The following KAZN variants were observed in gnomAD, a reference collection of about 807,000 sequenced individuals.
KAZN encodes the protein kazrin.
Under a neutral mutation model 87.4 loss-of-function variants are expected in KAZN, and 40 were observed. The ratio of observed to expected loss-of-function variants is 0.46; its 90% CI spans 0.36 to 0.60. KAZN has a LOEUF of 0.60. Ranked by LOEUF, KAZN falls within the 20% of genes least tolerant of loss-of-function variation. The pLI is 0.00. For missense variants in KAZN, 898 were observed against 1,073.9 expected, an observed-to-expected ratio of 0.84 and a Z score of 2.29; for synonymous variants, 466 against 458.3, an observed-to-expected ratio of 1.02 and a Z score of -0.22.
At chr1:14,661,668 G>C (rs535644763) in intron 1 of KAZN, among the ~76,000 whole-genome samples, 4 of 137,594 alleles carry the variant, frequency 2.9e-5, no homozygotes, top group African/African-American at 5.3e-5. Context: ...GGGACGGGGG[G>C]GCGGGAGGGA....
At chr1:14,770,677 C>T (rs1386815833) in intron 1 of KAZN, among the ~76,000 whole-genome samples, 1 of 152,024 alleles carries the variant, frequency 6.6e-6, no homozygotes, top group Non-Finnish European at 1.5e-5. Context: ...AAGAAACTAG[C>T]AAAATATCTC....
intron 1 of KAZN, among the ~76,000 whole-genome samples, chr1:14,055,898 T>C (rs1384015694): frequency 6.6e-6 from 1 of 152,216 alleles, no homozygotes; most frequent in Admixed American, 6.5e-5. Flanking sequence ...GGAAAAATGC[T>C]ACCGAGCCTT....
chr1:14,856,819 C>T lies in KAZN; in HGVS notation c.227-103865C>T, dbSNP rs1437812455. Among the ~76,000 whole-genome samples, 1 of 152,144 alleles carries T rather than the reference C, an allele frequency of 6.6e-6. No individual in the cohort carries two copies. Among genetic ancestry groups the T allele is most frequent in the Admixed American group, 6.6e-5 (1 of 15,262 alleles). On this transcript the variant is annotated intron_variant, in intron 1 of 14. Coordinates refer to ENST00000376030, the MANE Select transcript of KAZN (RefSeq NM_201628.3). This position sits in a 1 kb window ranked among gnomAD's most constrained non-coding sequence, Gnocchi z 5.2. ...TGTTGCAGAGAGTTTGCAATTCAAT[C>T]GGAACTCAGACTTTTTTCCTCTGTT...
At chr1:14,499,710 T>C (rs995548563) in intron 2 of KAZN, among the ~76,000 whole-genome samples, 1 of 152,222 alleles carries the variant, frequency 6.6e-6, no homozygotes, top group Non-Finnish European at 1.5e-5. Flanking sequence ...CATTTTTATT[T>C]CTTTTTGAAT....
chr1:14,418,962 T>G (rs1470717455), intron 2 of KAZN, among the ~76,000 whole-genome samples: 1 of 152,240 alleles, frequency 6.6e-6, no homozygotes, highest in Non-Finnish European at 1.5e-5. Context: ...TGTCCCCCTG[T>G]GAACTCTTGT....
At chr1:14,293,843 G>A (rs1653909143) in intron 2 of KAZN, among the ~76,000 whole-genome samples, 1 of 152,092 alleles carries the variant, frequency 6.6e-6, no homozygotes, top group Non-Finnish European at 1.5e-5. Context: ...GTTTCCCCAA[G>A]GTGGTTAGCC....
chr1:13,982,290 G>A (rs1409463746), intron 1 of KAZN, among the ~76,000 whole-genome samples: 2 of 152,196 alleles, frequency 1.3e-5, no homozygotes, highest in African/African-American at 4.8e-5. Flanking sequence ...CAAGAATGAA[G>A]CCGTGAACCC....
chr1:14,073,993 G>T (rs115729306), intron 1 of KAZN, among the ~76,000 whole-genome samples: 1 of 152,104 alleles, frequency 6.6e-6, no homozygotes, highest in Non-Finnish European at 1.5e-5. Context: ...TCTGGAAATA[G>T]AACAAAATAT....
chr1:14,861,065 T>C (rs1650787735), intron 1 of KAZN, among the ~76,000 whole-genome samples: 1 of 152,200 alleles, frequency 6.6e-6, no homozygotes, highest in Admixed American at 6.5e-5. Flanking sequence ...TGCCAAGTAA[T>C]TGCAGTTTTT....
At chr1:14,933,856 T>A (rs1298871306) in intron 1 of KAZN, among the ~76,000 whole-genome samples, 1 of 151,370 alleles carries the variant, frequency 6.6e-6, no homozygotes, top group Non-Finnish European at 1.5e-5. Flanking sequence ...TTTCTTTTTT[T>A]TTTTTTTATG....
intron 1 of KAZN, among the ~76,000 whole-genome samples, chr1:13,927,926 A>C (rs963401234): frequency 2.4e-4 from 36 of 152,316 alleles, no homozygotes; most frequent in African/African-American, 8.7e-4. Flanking sequence ...AGGCAGGGGC[A>C]GGGCCCCTGC....
chr1:14,502,464 T>C (rs1670310099), intron 2 of KAZN, among the ~76,000 whole-genome samples: 1 of 152,164 alleles, frequency 6.6e-6, no homozygotes, highest in African/African-American at 2.4e-5. Flanking sequence ...TCTGGGTTTT[T>C]TTAGGTCATC....
chr1:14,357,018 G>T (rs1368023444), intron 2 of KAZN, among the ~76,000 whole-genome samples: 1 of 152,154 alleles, frequency 6.6e-6, no homozygotes, highest in African/African-American at 2.4e-5. Context: ...ACTTTGGGCA[G>T]TATGGCCATT....
intron 1 of KAZN, among the ~76,000 whole-genome samples, chr1:14,047,726 G>A (rs562226641): frequency 3.6e-4 from 55 of 152,132 alleles, no homozygotes; most frequent in African/African-American, 1.2e-3. Flanking sequence ...AAATTAGCTG[G>A]GTGTGGTGGC....
chr1:14,968,381 G>A (rs894087768), intron 2 of KAZN, among the ~76,000 whole-genome samples: 3 of 152,278 alleles, frequency 2.0e-5, no homozygotes, highest in South Asian at 2.1e-4. Flanking sequence ...TCGCTCGCTC[G>A]CCCCTCACCT....
chr1:14,614,519 A>G (rs532799103), intron 1 of KAZN, among the ~76,000 whole-genome samples: 10 of 152,362 alleles, frequency 6.6e-5, no homozygotes, highest in African/African-American at 2.4e-4. Flanking sequence ...GGTCAGTATG[A>G]GGCTGGACCC....
intron 1 of KAZN, among the ~76,000 whole-genome samples, chr1:14,881,397 A>G (rs1394839789): frequency 6.6e-6 from 1 of 152,232 alleles, no homozygotes; most frequent in African/African-American, 2.4e-5. Context: ...AGAGAAGTGG[A>G]AATCATTTGA....
chr1:14,656,825 A>G (rs1411740865), intron 1 of KAZN, among the ~76,000 whole-genome samples: 1 of 152,220 alleles, frequency 6.6e-6, no homozygotes, highest in African/African-American at 2.4e-5. Context: ...GTCTTCCAAC[A>G]CTGGAGATTA....
intron 2 of KAZN, among the ~76,000 whole-genome samples, chr1:14,231,963 G>A (rs1647899116): frequency 6.6e-6 from 1 of 152,170 alleles, no homozygotes; most frequent in Non-Finnish European, 1.5e-5. Flanking sequence ...GGAAGGGTCT[G>A]GGGGATGGCT....
Sources: allele counts gnomAD v4.1 joint callset (sites outside exome capture counted in the v4.1 genomes callset), GRCh38; gene constraint gnomAD v4.1.1; non-coding constraint Gnocchi (gnomAD v3.1); transcripts MANE v1.5; gene names NCBI Gene and HGNC (gene_info 2026-07-23, HGNC 2026-07-21).